EPG5: variants seen among roughly 807,000 people sequenced by gnomAD.
EPG5 encodes ectopic P-granules 5 autophagy tethering factor.
Under a neutral mutation model 302.7 loss-of-function variants are expected in EPG5, and 159 were observed. That is an observed-to-expected ratio of 0.53 (90% confidence interval 0.46 to 0.60). EPG5 has a LOEUF of 0.60. EPG5 is among the 20% of genes least tolerant of loss of function. The pLI is 0.00. For synonymous variants in EPG5, 1,158 were observed against 1,136.8 expected, an observed-to-expected ratio of 1.02 and a Z score of -0.37; for missense variants, 2,896 against 3,092.4, an observed-to-expected ratio of 0.94 and a Z score of 1.51.
intron 36 of EPG5, 97 bp downstream of exon 36, chr18:45,870,470 A>G: frequency 2.8e-6 from 3 of 1,084,676 alleles, no homozygotes; most frequent in Non-Finnish European, 4.0e-6. Flanking sequence ...GGTCCACGCT[A>G]GCACACACTG....
At chr18:45,939,558 G>A (rs1193298591) in intron 10 of EPG5, 42 bp downstream of exon 10, 2 of 1,592,610 alleles carry the variant, frequency 1.3e-6, no homozygotes, top group Non-Finnish European at 1.7e-6. Context: ...TTACTAGTGA[G>A]GAAGTTACTT....
chr18:45,874,694 C>T (rs2048935590), intron 35 of EPG5, among the ~76,000 whole-genome samples: 1 of 152,182 alleles, frequency 6.6e-6, no homozygotes, highest in African/African-American at 2.4e-5. Context: ...TGGCTCCCTC[C>T]CACAACACAT....
intron 7 of EPG5, among the ~76,000 whole-genome samples, chr18:45,945,055 G>A (rs1338855746): frequency 2.6e-5 from 4 of 152,066 alleles, no homozygotes; most frequent in Non-Finnish European, 1.5e-5. Flanking sequence ...TAAAAAGGAC[G>A]CTACCATTAA....
chr18:45,906,458 T>C (rs939747942), intron 24 of EPG5, among the ~76,000 whole-genome samples: 1 of 152,140 alleles, frequency 6.6e-6, no homozygotes, highest in African/African-American at 2.4e-5. Context: ...TCACCTGCTA[T>C]ATGTCGCTGC....
At position 45,866,983 on chromosome 18, in the gene EPG5, C is replaced by T. The variant is rs764947795; in HGVS notation, c.6436G>A (p.Gly2146Arg). The T allele has an allele frequency of 1.9e-6, 3 of 1,614,028 alleles. No homozygotes were observed. Among genetic ancestry groups the T allele is most frequent in the Middle Eastern group, 3.3e-4 (2 of 6,062 alleles). Reference protein sequence around the residue: ...QTDSPLLSLLGQTSSLSWHLV... With the variant: ...QTDSPLLSLLRQTSSLSWHLV... ...TGCCATGAAAGTGAGCTTGTCTGTCCAAGGAGACTAAGTAAAGGTGAATCC... is the reference window on the plus strand; with the variant it reads ...TGCCATGAAAGTGAGCTTGTCTGTCTAAGGAGACTAAGTAAAGGTGAATCC... Residue 2146 changes from glycine to arginine, a missense_variant, in exon 38 of 44, where the codon GGA becomes AGA. Around this residue, in one of 5 missense-constraint regions of EPG5, gnomAD observed 620 missense variants for 704.2 expected, o/e 0.88. Transcript: ENST00000282041.
At chr18:45,852,798 C>G (rs1333903955) in intron 43 of EPG5, 149 bp from the exon 44 acceptor site, 3 of 691,234 alleles carry the variant, frequency 4.3e-6, no homozygotes, top group African/African-American at 1.8e-5. Flanking sequence ...GTCCGGAAGG[C>G]AGGCATTGAT....
intron 10 of EPG5, among the ~76,000 whole-genome samples, chr18:45,935,459 T>C (rs1305074530): frequency 1.3e-5 from 2 of 152,156 alleles, no homozygotes; most frequent in African/African-American, 2.4e-5. Flanking sequence ...GGAGAATCAC[T>C]TGAACCCAGG....
rs938677456 is a variant in EPG5, at chr18:45,855,633, C to T, written c.7497G>A (p.Met2499Ile). 2 of 1,614,146 alleles carry T rather than the reference C, an allele frequency of 1.2e-6. No individual in the cohort carries two copies. Among genetic ancestry groups the T allele is most frequent in the Non-Finnish European group, 1.7e-6 (2 of 1,180,018 alleles). ...MAAFLSVQVP[M>I]EDQIRLRPGS... The stretch of plus-strand genomic sequence containing the variant: ...CAGGCCTCAAACGGATCTGATCTTC[C>T]ATAGGAACCTGAACTGAAAGGAAGG... Residue 2499 changes from methionine (M) to isoleucine (I), a missense_variant, in exon 43 of 44, where the codon ATG (methionine) becomes ATA (isoleucine). By Grantham distance (10) the Met-to-Ile change is conservative. Transcript: ENST00000282041.
At position 45,955,115 on chromosome 18, in the gene EPG5, A is replaced by T. The variant is rs753948535; in HGVS notation, c.287T>A (p.Leu96Gln). 1 of 1,614,074 alleles carries T rather than the reference A, an allele frequency of 6.2e-7. No individual in the cohort carries two copies. The highest frequency in any genetic ancestry group is 8.5e-7 in the Non-Finnish European group (1 of 1,179,958). The change falls in exon 2 of 44, where the codon CTG becomes CAG. Residue 96 changes from leucine (L) to glutamine (Q), a missense_variant. By Grantham distance (113) the Leu-to-Gln change is moderately radical (BLOSUM62 -2). Coordinates refer to ENST00000282041, the MANE Select transcript of EPG5 (RefSeq NM_020964.3). ...TSLTISNEES[L>Q]TCNTEPPKEG... ...CTTTGGGGGCTCTGTGTTACACGTC[A>T]GGGACTCTTCATTGCTTATAGTTAA... is the stretch of plus-strand genomic sequence containing the variant.
At chr18:45,833,126 C>G in the EPG5 span, among the ~76,000 whole-genome samples, 1 of 152,074 alleles carries the variant, frequency 6.6e-6, no homozygotes, top group African/African-American at 2.4e-5. Flanking sequence ...GGCTCTTGTC[C>G]TTGGGCACTG....
At chr18:45,842,454 A>T in the EPG5 span, 1 of 478,916 alleles carries the variant, frequency 2.1e-6, no homozygotes, top group Non-Finnish European at 3.8e-6. Context: ...AGAGAGAGAG[A>T]GAGAGAGTAC....
At chr18:45,839,056 C>A in the EPG5 span, 3 of 1,512,812 alleles carry the variant, frequency 2.0e-6, no homozygotes, top group Non-Finnish European at 2.6e-6. Flanking sequence ...GCTGCTGCTG[C>A]TCGGGGTCCT....
At chr18:45,927,293 C>G (rs2050294465) in intron 13 of EPG5, among the ~76,000 whole-genome samples, 1 of 152,166 alleles carries the variant, frequency 6.6e-6, no homozygotes, top group Admixed American at 6.5e-5. Context: ...CCCGCCTCGG[C>G]CTCCCGAAGT....
chr18:45,839,010 G>C, the EPG5 span: 1 of 1,591,458 alleles, frequency 6.3e-7, no homozygotes, highest in Non-Finnish European at 8.5e-7. Flanking sequence ...GGGCCTCGAC[G>C]GTCGCCCTCC....
intron 29 of EPG5, among the ~76,000 whole-genome samples, chr18:45,885,356 T>A (rs2049194661): frequency 1.3e-5 from 2 of 151,174 alleles, no homozygotes; most frequent in Admixed American, 1.3e-4. Flanking sequence ...AAAAAAAAAA[T>A]GATAAGTTAA....
chr18:45,858,871 A>ATTT, intron 40 of EPG5, 89 bp from the exon 41 acceptor site: 1 of 833,284 alleles, frequency 1.2e-6, no homozygotes, highest in Non-Finnish European at 1.8e-6. Flanking sequence ...AAGCTTCATG[A>ATTT]TTTTTTTTTT....
At chr18:45,950,485 A>G (rs568002465) in intron 4 of EPG5, among the ~76,000 whole-genome samples, 162 of 152,282 alleles carry the variant, frequency 1.1e-3, no homozygotes, top group African/African-American at 1.8e-3. Flanking sequence ...TGCCACCACC[A>G]TGTACGAAGT....
chr18:45,915,906 TG>T, intron 19 of EPG5, 102 bp downstream of exon 19: 1 of 1,054,162 alleles, frequency 9.5e-7, no homozygotes, highest in Non-Finnish European at 1.4e-6. Flanking sequence ...AAGAAGGTAA[TG>T]GCCACAGAGT....
intron 31 of EPG5, among the ~76,000 whole-genome samples, chr18:45,881,725 A>G (rs1269850345): frequency 1.3e-5 from 2 of 152,190 alleles, no homozygotes; most frequent in East Asian, 3.8e-4. Context: ...AAGAAGGGGG[A>G]ACAGAAGTGG....
Sources: allele counts gnomAD v4.1 joint callset (sites outside exome capture counted in the v4.1 genomes callset), GRCh38; gene constraint gnomAD v4.1.1; regional missense constraint gnomAD v4.1.1; transcripts MANE v1.5; gene names NCBI Gene and HGNC (gene_info 2026-07-23, HGNC 2026-07-21).